Variants in ESRRG observed in about 807,000 individuals in gnomAD.
The protein encoded by ESRRG is estrogen related receptor gamma, also known as estrogen-related receptor gamma.
Under a neutral mutation model 44.0 loss-of-function variants are expected in ESRRG, and 13 were observed. The ratio of observed to expected loss-of-function variants is 0.30; its 90% CI spans 0.19 to 0.47. The LOEUF (loss-of-function observed/expected upper bound fraction) is 0.47, where lower values mean the gene tolerates loss of function less well. ESRRG is among the 20% of genes least tolerant of loss of function. The pLI is 1.00. For synonymous variants in ESRRG, 215 were observed against 214.6 expected, an observed-to-expected ratio of 1.00 and a Z score of -0.02; for missense variants, 395 against 580.6, an observed-to-expected ratio of 0.68 and a Z score of 3.29.
chr1:217,078,423 A>G (rs540597797), intron 1 of ESRRG: 3 of 152,382 alleles, frequency 2.0e-5, no homozygotes, highest in African/African-American at 7.2e-5. Flanking sequence ...CTGAAAACCA[A>G]TGGCATCACA....
chr1:216,934,528 G>A (rs958579121), intron 2 of ESRRG, among the ~76,000 whole-genome samples: 8 of 152,044 alleles, frequency 5.3e-5, no homozygotes, highest in African/African-American at 1.4e-4. Context: ...TCACAATCAC[G>A]GTGGAAGGCA....
intron 2 of ESRRG, among the ~76,000 whole-genome samples, chr1:216,787,820 T>A (rs2148017076): frequency 6.6e-6 from 1 of 152,134 alleles, no homozygotes; most frequent in African/African-American, 2.4e-5. Context: ...AAATTAAAAG[T>A]GCTATTCCAG....
At chr1:216,866,370 T>C (rs1428808624) in intron 2 of ESRRG, among the ~76,000 whole-genome samples, 2 of 152,156 alleles carry the variant, frequency 1.3e-5, no homozygotes, top group East Asian at 1.9e-4. Flanking sequence ...TTGCTCTTAT[T>C]GTTATTTAAC....
chr1:216,580,700 C>A (rs1309117064), intron 3 of ESRRG, among the ~76,000 whole-genome samples: 1 of 152,136 alleles, frequency 6.6e-6, no homozygotes, highest in Non-Finnish European at 1.5e-5. Context: ...TTCTAAAAGT[C>A]TATGAATGAA....
At chr1:216,989,427 C>CAAAAAA (rs67759463) in intron 1 of ESRRG, among the ~76,000 whole-genome samples, 1 of 79,350 alleles carries the variant, frequency 1.3e-5, no homozygotes. Flanking sequence ...GACTCTGTCT[C>CAAAAAA]AAAAAAAAAA....
chr1:217,038,604 G>A (rs1293545824), intron 1 of ESRRG, among the ~76,000 whole-genome samples: 1 of 152,206 alleles, frequency 6.6e-6, no homozygotes, highest in Non-Finnish European at 1.5e-5. Context: ...GGAACACAGG[G>A]TACCAAGTCC....
chr1:217,125,089 C>T (rs1184546878), intron 1 of ESRRG, among the ~76,000 whole-genome samples: 1 of 152,166 alleles, frequency 6.6e-6, no homozygotes, highest in Non-Finnish European at 1.5e-5. Context: ...TGATCTGTAT[C>T]AAGTCTGCCC....
At chr1:217,135,012 C>T (rs1343625634) in intron 1 of ESRRG, among the ~76,000 whole-genome samples, 1 of 152,222 alleles carries the variant, frequency 6.6e-6, no homozygotes, top group African/African-American at 2.4e-5. Flanking sequence ...TCCTTCCTCT[C>T]CTTTCCCCGC....
intron 1 of ESRRG, among the ~76,000 whole-genome samples, chr1:217,002,583 C>T (rs2077190406): frequency 6.6e-6 from 1 of 151,916 alleles, no homozygotes; most frequent in African/African-American, 2.4e-5. Context: ...AGTGAATAAA[C>T]AGTAAATCAC....
At chr1:216,934,834 G>A (rs954711055) in intron 2 of ESRRG, among the ~76,000 whole-genome samples, 5 of 152,064 alleles carry the variant, frequency 3.3e-5, no homozygotes, top group African/African-American at 7.2e-5. Context: ...GGGAGAGTGC[G>A]TATTGGTGAC....
intron 1 of ESRRG, among the ~76,000 whole-genome samples, chr1:217,119,956 A>C (rs2092797685): frequency 6.6e-6 from 1 of 152,238 alleles, no homozygotes; most frequent in Non-Finnish European, 1.5e-5. Context: ...TAGTGTAATA[A>C]GTACTTGGGA....
chr1:217,118,862 C>T (rs1360354066), intron 1 of ESRRG, among the ~76,000 whole-genome samples: 1 of 152,076 alleles, frequency 6.6e-6, no homozygotes, highest in Admixed American at 6.5e-5. Flanking sequence ...AGCATGGTGG[C>T]TTATTCCTGT....
intron 1 of ESRRG, among the ~76,000 whole-genome samples, chr1:217,008,523 A>G (rs1358676393): frequency 6.6e-6 from 1 of 152,194 alleles, no homozygotes; most frequent in Non-Finnish European, 1.5e-5. Context: ...GATTGTTTGC[A>G]CTCTCTAGGT....
chr1:216,661,555 G>A (rs777224501), intron 2 of ESRRG, among the ~76,000 whole-genome samples: 5 of 152,094 alleles, frequency 3.3e-5, no homozygotes, highest in Admixed American at 2.0e-4. Context: ...TTTGCAGACC[G>A]GTACAAGTCC....
chr1:216,522,723 C>T (rs200274432), intron 5 of ESRRG, among the ~76,000 whole-genome samples: 1 of 84,088 alleles, frequency 1.2e-5, no homozygotes, highest in South Asian at 7.4e-4. Context: ...GATAAAATAA[C>T]ATTTTTATCA....
At chr1:216,950,281 A>G (rs11117735) in intron 1 of ESRRG, among the ~76,000 whole-genome samples, 46,258 of 152,120 alleles carry the variant, frequency 0.3, 8,722 homozygotes, top group Non-Finnish European at 0.43. Context: ...CTATCTTCCA[A>G]TTCTAATGAA....
chr1:216,703,260 G>A (rs1233912169), intron 1 of ESRRG, among the ~76,000 whole-genome samples: 1 of 151,798 alleles, frequency 6.6e-6, no homozygotes, highest in East Asian at 1.9e-4. Context: ...AATTGTCTTG[G>A]GCCACATATG....
intron 2 of ESRRG, chr1:216,939,476 A>C (rs1486979999): frequency 6.6e-6 from 1 of 152,082 alleles, no homozygotes; most frequent in Non-Finnish European, 1.5e-5. Context: ...TAGTAGTCAA[A>C]GATGTCAAGA....
intron 1 of ESRRG, among the ~76,000 whole-genome samples, chr1:216,969,668 C>A (rs531607581): frequency 1.3e-5 from 2 of 152,230 alleles, no homozygotes; most frequent in South Asian, 4.2e-4. Flanking sequence ...TCACCGCAAC[C>A]TCCGCCTCCC....
Sources: gnomAD v4.1 joint callset for allele counts (sites outside exome capture counted in the v4.1 genomes callset) on GRCh38, gnomAD v4.1.1 for gene constraint, MANE v1.5 for transcripts, NCBI Gene and HGNC (gene_info 2026-07-23, HGNC 2026-07-21) for gene names.